Variants in SLC35D1 observed in about 807,000 individuals in gnomAD.
SLC35D1 encodes the protein nucleotide sugar transporter SLC35D1.
In SLC35D1, 31 loss-of-function variants were observed where a neutral mutation model predicts 46.7. That is an observed-to-expected ratio of 0.66 (90% confidence interval 0.50 to 0.90). The LOEUF is 0.90. SLC35D1 is among the 40% of genes least tolerant of loss of function. The probability of loss-of-function intolerance (pLI) is 0.00; values close to 1 mark genes in which losing one functional copy is unlikely to be tolerated. For synonymous variants in SLC35D1, 195 were observed against 164.6 expected (o/e 1.18, Z -1.41); for missense variants, 397 against 426.2 (o/e 0.93, Z 0.60).
At chr1:67,039,084 T>G (rs540358295) in intron 8 of SLC35D1, among the ~76,000 whole-genome samples, 2 of 152,334 alleles carry the variant, frequency 1.3e-5, no homozygotes, top group East Asian at 3.9e-4. Flanking sequence ...GCCCCCTTGT[T>G]GGATTCTTGT....
intron 8 of SLC35D1, among the ~76,000 whole-genome samples, chr1:67,026,208 A>G (rs945035015): frequency 6.6e-6 from 1 of 152,096 alleles, no homozygotes; most frequent in Non-Finnish European, 1.5e-5. Flanking sequence ...GTTTATTGAG[A>G]ATTTTACACT....
rs2102225500 is a variant in SLC35D1, at chr1:67,004,297, A to G, written c.*43T>C. On this transcript the variant is annotated 3_prime_UTR_variant, in exon 12 of 12. Transcript: ENST00000235345. ...TAGGAACTGCCAGTGTTCTGAGTTG[A>G]TTAAAAACTTAGGCCTACGTATCAG... is the stretch of plus-strand genomic sequence containing the variant. 6.5e-7 allele frequency: 1 copy of G among 1,548,062 alleles called. No homozygotes were observed. Among genetic ancestry groups the G allele is most frequent in the South Asian group, 1.1e-5 (1 of 89,714 alleles).
chr1:66,985,260 C>T, the SLC35D1 span: 1 of 974,916 alleles, frequency 1.0e-6, no homozygotes, highest in Non-Finnish European at 1.2e-6. Context: ...AATTTCACTA[C>T]AAGGTAATTT....
At chr1:66,992,504 G>GA in the SLC35D1 span, among the ~76,000 whole-genome samples, 1 of 152,202 alleles carries the variant, frequency 6.6e-6, no homozygotes, top group African/African-American at 2.4e-5. Flanking sequence ...TTACAGAAGG[G>GA]AAAATCCAAG....
the SLC35D1 span, chr1:66,986,266 T>C: frequency 1.4e-6 from 2 of 1,405,730 alleles, no homozygotes; most frequent in South Asian, 1.7e-5. Flanking sequence ...GGATTATCCA[T>C]CTGCATAGCC....
chr1:67,053,749 C>G (rs1338531452), intron 1 of SLC35D1, 62 bp downstream of exon 1: 1 of 1,384,300 alleles, frequency 7.2e-7, no homozygotes, highest in African/African-American at 1.5e-5. Flanking sequence ...GGAGCCGGCG[C>G]CGCGCCGCCG....
chr1:67,009,305 T>C, intron 10 of SLC35D1, 138 bp from the exon 11 acceptor site: 2 of 391,440 alleles, frequency 5.1e-6, no homozygotes, highest in Non-Finnish European at 9.5e-6. Context: ...GCACCAACCC[T>C]AATAATAGTA....
intron 8 of SLC35D1, chr1:67,032,126 A>C (rs1570629248): frequency 3.5e-5 from 34 of 980,518 alleles, no homozygotes; most frequent in Non-Finnish European, 4.0e-5. Flanking sequence ...GATTTAATAA[A>C]CAAAGATGCT....
At chr1:67,050,230 G>A (rs1289374045) in intron 5 of SLC35D1, among the ~76,000 whole-genome samples, 2 of 152,090 alleles carry the variant, frequency 1.3e-5, no homozygotes, top group Non-Finnish European at 2.9e-5. Flanking sequence ...TAAATCTCAC[G>A]TTCAGATAAG....
intron 10 of SLC35D1, among the ~76,000 whole-genome samples, chr1:67,013,554 A>T (rs151305277): frequency 6.6e-6 from 1 of 152,088 alleles, no homozygotes. Flanking sequence ...TGTCTCAAAA[A>T]ATATATATTT....
chr1:66,976,077 C>T, the SLC35D1 span, among the ~76,000 whole-genome samples: 2 of 152,050 alleles, frequency 1.3e-5, no homozygotes, highest in Admixed American at 1.3e-4. Context: ...AGCCTCTGCC[C>T]CCACCCCCAC....
chr1:67,026,489 T>C (rs1385316714), intron 8 of SLC35D1, among the ~76,000 whole-genome samples: 1 of 152,150 alleles, frequency 6.6e-6, no homozygotes, highest in African/African-American at 2.4e-5. Context: ...CAAGGAAGTG[T>C]TCTATCTTCT....
the SLC35D1 span, among the ~76,000 whole-genome samples, chr1:66,989,772 T>G: frequency 6.6e-6 from 1 of 152,236 alleles, no homozygotes. Context: ...CTTAAACATT[T>G]TTAAAAAGAA....
intron 8 of SLC35D1, among the ~76,000 whole-genome samples, chr1:67,031,873 G>A (rs1256103676): frequency 3.9e-5 from 6 of 152,114 alleles, no homozygotes; most frequent in South Asian, 4.1e-4. Context: ...ATTTGCAAGC[G>A]AATTTTTTAT....
At chr1:67,012,045 G>C (rs990642970) in intron 10 of SLC35D1, among the ~76,000 whole-genome samples, 3 of 152,134 alleles carry the variant, frequency 2.0e-5, no homozygotes, top group Admixed American at 6.5e-5. Context: ...CTTGGTCTCT[G>C]CCATCTGGGG....
intron 8 of SLC35D1, among the ~76,000 whole-genome samples, chr1:67,035,912 A>G (rs1403101509): frequency 1.3e-5 from 2 of 151,808 alleles, no homozygotes; most frequent in African/African-American, 2.4e-5. Context: ...ATTTGTTTCA[A>G]AAAATTTTTT....
At chr1:67,044,311 C>A (rs1469787103) in intron 7 of SLC35D1, among the ~76,000 whole-genome samples, 1 of 138,748 alleles carries the variant, frequency 7.2e-6, no homozygotes, top group Non-Finnish European at 1.5e-5. Flanking sequence ...CCAGGCTGGG[C>A]GACAGAGTGA....
chr1:66,990,389 C>T, the SLC35D1 span, among the ~76,000 whole-genome samples: 1 of 152,066 alleles, frequency 6.6e-6, no homozygotes, highest in Non-Finnish European at 1.5e-5. Flanking sequence ...AATCCTCCCA[C>T]CTCAGCCTCC....
chr1:67,026,036 A>G (rs987404830), intron 8 of SLC35D1, among the ~76,000 whole-genome samples: 2 of 152,220 alleles, frequency 1.3e-5, no homozygotes, highest in Non-Finnish European at 2.9e-5. Context: ...GAGTTCTTCA[A>G]CATAACACTG....
Sources: allele counts gnomAD v4.1 joint callset (sites outside exome capture counted in the v4.1 genomes callset), GRCh38; gene constraint gnomAD v4.1.1; transcripts MANE v1.5; gene names NCBI Gene and HGNC (gene_info 2026-07-23, HGNC 2026-07-21).